RRAGD: variants seen among roughly 807,000 people sequenced by gnomAD.
RRAGD encodes ras-related GTP-binding protein D.
A neutral mutation model predicts 35.5 loss-of-function variants in RRAGD; 12 were observed. The observed-to-expected ratio is 0.34, with a 90% CI of 0.22 to 0.55. The LOEUF is 0.55. RRAGD is among the 20% of genes least tolerant of loss of function. The pLI is 0.91. For missense variants in RRAGD, 324 were observed against 490.1 expected, an observed-to-expected ratio of 0.66 and a Z score of 3.20; for synonymous variants, 155 against 178.9, an observed-to-expected ratio of 0.87 and a Z score of 1.07.
chr6:89,403,167 C>T (rs58377404), intron 1 of RRAGD, among the ~76,000 whole-genome samples: 3 of 152,252 alleles, frequency 2.0e-5, no homozygotes, highest in East Asian at 1.9e-4. Context: ...GTCGGCCGGG[C>T]GCGGTGGCTC....
At chr6:89,404,433 A>C (rs995340038) in intron 1 of RRAGD, among the ~76,000 whole-genome samples, 2 of 152,184 alleles carry the variant, frequency 1.3e-5, no homozygotes, top group Non-Finnish European at 1.5e-5. Context: ...TATCAAGAGG[A>C]TCAGCTTTAT....
At position 89,402,289 on chromosome 6, in the gene RRAGD, G is replaced by A. The variant is rs375491032; in HGVS notation, c.148+9557C>T. 4.0e-4 allele frequency among the ~76,000 whole-genome samples: 61 copies of A among 151,844 alleles called. No individual in the cohort carries two copies. The Middle Eastern group carries it at 0.01, about 25-fold the overall frequency. On this transcript the variant is annotated intron_variant, in intron 1 of 6. Coordinates refer to ENST00000369415, the MANE Select transcript of RRAGD (RefSeq NM_021244.5). ...TCTTGAACTCCTGACCTCATGATCC[G>A]CCAGCCTCGGCCTCCCAAAGTGCTG... is the stretch of plus-strand genomic sequence containing the variant.
chr6:89,380,438 C>A (rs1769022344), intron 2 of RRAGD, 71 bp from the exon 3 acceptor site: 14 of 1,347,312 alleles, frequency 1.0e-5, no homozygotes, highest in Non-Finnish European at 1.2e-5. Context: ...CACTCTTCAC[C>A]TGGAAACCAT....
chr6:89,401,038 C>T (rs888542053), intron 1 of RRAGD, among the ~76,000 whole-genome samples: 5 of 152,150 alleles, frequency 3.3e-5, no homozygotes, highest in Non-Finnish European at 5.9e-5. Context: ...ACAGACATGA[C>T]AAACTGGCAA....
intron 1 of RRAGD, among the ~76,000 whole-genome samples, chr6:89,399,227 T>C (rs1582520978): frequency 6.6e-6 from 1 of 152,082 alleles, no homozygotes; most frequent in South Asian, 2.1e-4. Flanking sequence ...GACACCACTG[T>C]GAAGGGGGGA....
intron 1 of RRAGD, among the ~76,000 whole-genome samples, chr6:89,410,371 G>C (rs1019481847): frequency 4.6e-5 from 7 of 152,000 alleles, no homozygotes; most frequent in Non-Finnish European, 4.4e-5. Context: ...GCATCTCTCC[G>C]GAGTCTTCTA....
intron 2 of RRAGD, among the ~76,000 whole-genome samples, chr6:89,383,323 A>G (rs1386258058): frequency 2.0e-5 from 3 of 152,208 alleles, no homozygotes; most frequent in Admixed American, 6.5e-5. Context: ...TTGCTACTCT[A>G]ACCTCCCTGC....
intron 1 of RRAGD, among the ~76,000 whole-genome samples, chr6:89,399,252 A>T (rs1469234381): frequency 6.6e-6 from 1 of 152,206 alleles, no homozygotes; most frequent in Non-Finnish European, 1.5e-5. Context: ...GTATGTATGC[A>T]TGTTTACATA....
At chr6:89,381,342 G>A (rs1769039079) in intron 2 of RRAGD, among the ~76,000 whole-genome samples, 1 of 152,114 alleles carries the variant, frequency 6.6e-6, no homozygotes, top group Non-Finnish European at 1.5e-5. Context: ...CTGGTCTAGA[G>A]GAATTGCCCC....
chr6:89,371,042 T>C (rs1343728424), intron 6 of RRAGD, among the ~76,000 whole-genome samples: 2 of 151,516 alleles, frequency 1.3e-5, no homozygotes, highest in African/African-American at 2.4e-5. Flanking sequence ...ATATATGTAA[T>C]ATAAAATATA....
intron 1 of RRAGD, among the ~76,000 whole-genome samples, chr6:89,392,818 A>G (rs1242221924): frequency 6.6e-6 from 1 of 152,238 alleles, no homozygotes; most frequent in Non-Finnish European, 1.5e-5. Context: ...TTAAGCAGGT[A>G]CAGATGTGCA....
rs999912271 is a variant in RRAGD at position 89,387,659 on chromosome 6, T to G, written c.149-69A>C. 54 of 1,372,850 alleles carry G rather than the reference T, an allele frequency of 3.9e-5. No homozygotes were observed. The African/African-American group carries it at 6.9e-4, about 18-fold the overall frequency. 85.0% of individuals were successfully genotyped at this position (1,372,850 alleles called of 1,614,324 possible). A position where few individuals can be genotyped will look rare whatever the true frequency, so the allele number is the denominator to read the frequency against. On this transcript the variant is annotated intron_variant, in intron 1 of 6. Coordinates refer to ENST00000369415, the MANE Select transcript of RRAGD (RefSeq NM_021244.5). ...AGAGGTTAATTAGAGGAGTTTCACTTCCACCTCAAATGTGATTTATGATTC... is the reference window on the plus strand; with the variant it reads ...AGAGGTTAATTAGAGGAGTTTCACTGCCACCTCAAATGTGATTTATGATTC...
Position 89,379,345 on chromosome 6 carries a change from G to C in RRAGD, c.645-7C>G, listed in dbSNP as rs749290912. ...TATGCTTGTCAGATAAAAGCTGAAA[G>C]AGGAAACGGTATTTCATCATGTTTT... is the stretch of plus-strand genomic sequence containing the variant. On this transcript the variant is annotated splice_region_variant and splice_polypyrimidine_tract_variant and intron_variant, in intron 3 of 6. Coordinates refer to ENST00000369415, the MANE Select transcript of RRAGD (RefSeq NM_021244.5). The C allele has an allele frequency of 3.5e-6, 5 of 1,421,938 alleles. No homozygotes were observed. The highest frequency in any genetic ancestry group is 1.7e-4 in the Middle Eastern group (1 of 5,722). 88.1% of individuals were successfully genotyped at this position (1,421,938 alleles called of 1,614,324 possible).
intron 5 of RRAGD, among the ~76,000 whole-genome samples, chr6:89,374,662 G>A (rs1320589116): frequency 1.3e-5 from 2 of 151,922 alleles, no homozygotes; most frequent in Non-Finnish European, 2.9e-5. Flanking sequence ...CCCGGGAGGC[G>A]GGGGTTGCAG....
At chr6:89,409,671 G>A (rs1032780409) in intron 1 of RRAGD, among the ~76,000 whole-genome samples, 1 of 152,266 alleles carries the variant, frequency 6.6e-6, no homozygotes, top group Admixed American at 6.5e-5. Context: ...CAGCCATCAG[G>A]AGCAGTCCTC....
intron 2 of RRAGD, among the ~76,000 whole-genome samples, chr6:89,381,932 G>T (rs1356478388): frequency 6.6e-6 from 1 of 151,790 alleles, no homozygotes; most frequent in African/African-American, 2.4e-5. Flanking sequence ...AACAGCATCT[G>T]ATGCTTCAGA....
rs1387488462 is a variant in RRAGD, at chr6:89,409,320, A to G, written c.148+2526T>C. On this transcript the variant is annotated intron_variant, in intron 1 of 6. Coordinates refer to ENST00000369415, the MANE Select transcript of RRAGD (RefSeq NM_021244.5). The stretch of plus-strand genomic sequence containing the variant: ...TCCCACATCCCACCCTCAGCCTCCC[A>G]CCCACCAGGGTAGATTTCTGAACTT... Among the ~76,000 whole-genome samples, 3 of 151,980 alleles carry G rather than the reference A, an allele frequency of 2.0e-5. No individual in the cohort carries two copies. In the East Asian group the frequency reaches 5.8e-4, roughly 29 times the overall value.
rs912126871 is a variant in RRAGD at position 89,399,174 on chromosome 6, T to C, written c.149-11584A>G. Among the ~76,000 whole-genome samples the C allele has an allele frequency of 3.3e-5, 5 of 152,324 alleles. No homozygotes were observed. The East Asian group carries it at 5.8e-4, about 18-fold the overall frequency. ...TATGATCATCCACGCTGATGACCTG[T>C]AGAAGTTGAATCTCCTCCTCCTGGG... is the stretch of plus-strand genomic sequence containing the variant. On this transcript the variant is annotated intron_variant, in intron 1 of 6. Coordinates refer to ENST00000369415, the MANE Select transcript of RRAGD (RefSeq NM_021244.5).
chr6:89,402,465 A>G (rs1315118774), intron 1 of RRAGD, among the ~76,000 whole-genome samples: 1 of 152,152 alleles, frequency 6.6e-6, no homozygotes, highest in East Asian at 1.9e-4. Flanking sequence ...CTAGAACACA[A>G]ATGACAAAGA....
Sources: allele counts gnomAD v4.1 joint callset (sites outside exome capture counted in the v4.1 genomes callset), GRCh38; gene constraint gnomAD v4.1.1; transcripts MANE v1.5; gene names NCBI Gene and HGNC (gene_info 2026-07-23, HGNC 2026-07-21).